Variants in RPS6KA4 observed in about 807,000 individuals in gnomAD.
RPS6KA4 encodes the protein ribosomal protein S6 kinase alpha-4.
RPS6KA4 carries 38 observed loss-of-function variants against 89.6 expected under a neutral mutation model. The observed-to-expected ratio is 0.42, with a 90% CI of 0.33 to 0.56. The LOEUF (loss-of-function observed/expected upper bound fraction) is 0.56. Ranked by LOEUF, RPS6KA4 falls within the 20% of genes least tolerant of loss-of-function variation. The pLI, the probability that RPS6KA4 is intolerant of heterozygous loss-of-function variation, is 0.07. For synonymous variants in RPS6KA4, 495 were observed against 492.8 expected, an observed-to-expected ratio of 1.00 and a Z score of -0.06; for missense variants, 873 against 1,098.8, an observed-to-expected ratio of 0.79 and a Z score of 2.90.
chr11:64,369,349 T>C (rs1300647130), intron 12 of RPS6KA4, 97 bp from the exon 13 acceptor site: 10 of 1,313,518 alleles, frequency 7.6e-6, no homozygotes, highest in South Asian at 1.5e-5. Context: ...TTCTCGAACA[T>C]TGGCAGGGCC....
rs769380916 is a variant in RPS6KA4, at chr11:64,361,194, A to G, written c.523A>G (p.Ile175Val). The G allele has an allele frequency of 6.2e-7, 1 of 1,613,430 alleles. No homozygotes were observed. The highest frequency in any genetic ancestry group is 8.5e-7 in the Non-Finnish European group (1 of 1,179,982). The change falls in exon 5 of 17, where the codon ATT becomes GTT. Residue 175 changes from isoleucine to valine, a missense_variant. Transcript: ENST00000334205. This position sits in a 1 kb window ranked among gnomAD's most constrained non-coding sequence, Gnocchi z 4.7. The stretch of plus-strand genomic sequence containing the variant: ...TGTGCTGCTGGACTCCGAGGGCCAC[A>G]TTGTCCTCACGGACTTCGGGCTGAG... ...ENVLLDSEGHIVLTDFGLSKE... is the reference protein window; with the variant it reads ...ENVLLDSEGHVVLTDFGLSKE...
chr11:64,368,447 C>T (rs1032284147), intron 10 of RPS6KA4, 21 bp from the exon 11 acceptor site: 3 of 1,546,032 alleles, frequency 1.9e-6, no homozygotes, highest in African/African-American at 1.4e-5. Context: ...CCTTCGCCTT[C>T]GCCTTCGCCT....
At chr11:64,363,319 G>A (rs1184551594) in intron 8 of RPS6KA4, among the ~76,000 whole-genome samples, 1 of 152,118 alleles carries the variant, frequency 6.6e-6, no homozygotes, top group Non-Finnish European at 1.5e-5. Flanking sequence ...TTTGCACGGG[G>A]TGGGGAAAGC....
At chr11:64,369,199 G>A (rs1423810591) in intron 12 of RPS6KA4, among the ~76,000 whole-genome samples, 1 of 152,226 alleles carries the variant, frequency 6.6e-6, no homozygotes, top group African/African-American at 2.4e-5. Context: ...GCTGAGGCAC[G>A]AGAATCGCTT....
intron 2 of RPS6KA4, 164 bp downstream of exon 2, chr11:64,359,613 A>G: frequency 1.5e-6 from 1 of 666,406 alleles, no homozygotes; most frequent in Admixed American, 2.6e-5. Flanking sequence ...TTGCATGCCC[A>G]CTTCCAGGGC....
Position 64,371,298 on chromosome 11 carries a change from A to AAGCGGGAGGGCTTCTTCCTGAAG in RPS6KA4, c.2142_2164dup (p.Val722GlyfsTer6). 1 of 1,612,804 alleles carries AAGCGGGAGGGCTTCTTCCTGAAG rather than the reference A, an allele frequency of 6.2e-7. No homozygotes were observed. Among genetic ancestry groups the AAGCGGGAGGGCTTCTTCCTGAAG allele is most frequent in the Non-Finnish European group, 8.5e-7 (1 of 1,179,914 alleles). On this transcript the variant is annotated frameshift_variant, in exon 17 of 17. Transcript: ENST00000334205. LOFTEE classifies it high-confidence loss of function. The stretch of plus-strand genomic sequence containing the variant: ...TTTCTGCCAGGCATTCAACCGGGGC[A>AAGCGGGAGGGCTTCTTCCTGAAG]AGCGGGAGGGCTTCTTCCTGAAGAG...
At chr11:64,363,943 G>C (rs1430364771) in intron 8 of RPS6KA4, among the ~76,000 whole-genome samples, 1 of 152,088 alleles carries the variant, frequency 6.6e-6, no homozygotes, top group Non-Finnish European at 1.5e-5. Context: ...AATCAAGTTT[G>C]GTGCTAGCCA....
rs2036679126 is a variant in RPS6KA4 at position 64,359,399 on chromosome 11, A to G, written c.77A>G (p.Glu26Gly). 18 of 1,613,486 alleles carry G rather than the reference A, an allele frequency of 1.1e-5. No individual in the cohort carries two copies. Among genetic ancestry groups the G allele is most frequent in the Non-Finnish European group, 1.4e-5 (17 of 1,179,806 alleles). Residue 26 changes from glutamate to glycine, a missense_variant, in exon 2 of 17, where the codon GAG (glutamate) becomes GGG (glycine). By Grantham distance (98) the Glu-to-Gly change is moderately conservative. Around this residue, in one of 4 missense-constraint regions of RPS6KA4, gnomAD observed 49 missense variants for 51.9 expected, o/e 0.94. Transcript: ENST00000334205. ...ITEANLTGHE[E>G]KVSVENFELL... ...ACAGCCAACCTGACCGGGCACGAGG[A>G]GAAGGTGAGCGTGGAGAACTTCGAG...
intron 9 of RPS6KA4, among the ~76,000 whole-genome samples, chr11:64,367,699 T>C (rs534795349): frequency 6.6e-6 from 1 of 152,242 alleles, no homozygotes; most frequent in Non-Finnish European, 1.5e-5. Context: ...CTCTGCCTTC[T>C]TTTTGCATTT....
At chr11:64,363,986 G>A (rs1055805384) in intron 8 of RPS6KA4, among the ~76,000 whole-genome samples, 2 of 152,064 alleles carry the variant, frequency 1.3e-5, no homozygotes, top group African/African-American at 4.8e-5. Context: ...GACCTAAGAG[G>A]TTTACTTATA....
chr11:64,368,433 GCCGC>G (rs2036946964), intron 10 of RPS6KA4, 31 bp from the exon 11 acceptor site: 2 of 1,541,334 alleles, frequency 1.3e-6, no homozygotes, highest in Non-Finnish European at 1.7e-6. Flanking sequence ...CCTCTGACGC[GCCGC>G]CTTCGCCTTC....
chr11:64,363,112 T>C (rs2036797376), intron 8 of RPS6KA4, among the ~76,000 whole-genome samples: 1 of 152,226 alleles, frequency 6.6e-6, no homozygotes, highest in East Asian at 1.9e-4. Context: ...AATGGTCTTC[T>C]GCTTAAGTGT....
At chr11:64,363,257 C>T (rs2036800865) in intron 8 of RPS6KA4, among the ~76,000 whole-genome samples, 1 of 152,186 alleles carries the variant, frequency 6.6e-6, no homozygotes, top group Non-Finnish European at 1.5e-5. Flanking sequence ...GGAGGGCCTG[C>T]CTGAGATGAT....
chr11:64,370,656 C>CG lies in RPS6KA4; in HGVS notation c.2052dup (p.Leu685AlafsTer119). On this transcript the variant is annotated frameshift_variant, in exon 16 of 17. Transcript: ENST00000334205. LOFTEE classifies it high-confidence loss of function. This position sits in a 1 kb window ranked among gnomAD's most constrained non-coding sequence, Gnocchi z 4.1. ...GACGGCAGCGCGCGCTCCTCGCCCC[C>CG]GCTCCGGACGCCCGACGTGCTCGAG... is the stretch of plus-strand genomic sequence containing the variant. The CG allele has an allele frequency of 6.4e-7, 1 of 1,570,960 alleles. No individual in the cohort carries two copies. The highest frequency in any genetic ancestry group is 1.1e-5 in the South Asian group (1 of 87,616).
chr11:64,365,524 A>T, intron 9 of RPS6KA4, 59 bp downstream of exon 9: 2 of 1,594,038 alleles, frequency 1.3e-6, no homozygotes, highest in East Asian at 2.2e-5. Flanking sequence ...TGTCTGCCTC[A>T]GCCCTGGCTG....
chr11:64,361,811 TG>T lies in RPS6KA4; in HGVS notation c.756-35del. The T allele has an allele frequency of 3.8e-6, 6 of 1,585,614 alleles. No homozygotes were observed. In the South Asian group the frequency reaches 6.8e-5, roughly 18 times the overall value. ...GGGCCTGCCTGGGCAGGGCTGTGGG[TG>T]GGGGGCTTGCTGCCCCTGACACCCC... On this transcript the variant is annotated intron_variant, in intron 7 of 16. Coordinates refer to ENST00000334205, the MANE Select transcript of RPS6KA4 (RefSeq NM_003942.3). The surrounding 1 kb of genome is among the most constrained non-coding windows in gnomAD (Gnocchi z 4.7).
At chr11:64,366,038 CAAA>C (rs1226198869) in intron 9 of RPS6KA4, among the ~76,000 whole-genome samples, 2 of 110,530 alleles carry the variant, frequency 1.8e-5, no homozygotes, top group African/African-American at 4.0e-5. Flanking sequence ...AACTCCGTCT[CAAA>C]AAAAAAAAAA....
intron 14 of RPS6KA4, 101 bp downstream of exon 14, chr11:64,369,994 G>A: frequency 1.5e-6 from 2 of 1,294,392 alleles, no homozygotes; most frequent in Non-Finnish European, 2.1e-6. Flanking sequence ...ATCTTGGTGG[G>A]GGCGGCTGGG....
At position 64,360,184 on chromosome 11, in the gene RPS6KA4, T is replaced by C. The variant is rs935368943; in HGVS notation, c.149T>C (p.Val50Ala). Residue 50 changes from valine (V) to alanine (A), a missense_variant, in exon 3 of 17, where the codon GTG (valine) becomes GCG (alanine). Coordinates refer to ENST00000334205, the MANE Select transcript of RPS6KA4 (RefSeq NM_003942.3). ...GTGAYGKVFL[V>A]RKAGGHDAGK... ...ACAGCCTACGGCAAGGTGTTCCTGG[T>C]GCGGAAGGCGGGCGGGCACGACGCG... is the stretch of plus-strand genomic sequence containing the variant. 1 of 1,547,520 alleles carries C rather than the reference T, an allele frequency of 6.5e-7. No homozygotes were observed. The highest frequency in any genetic ancestry group is 1.4e-5 in the African/African-American group (1 of 72,986).
Sources: gnomAD v4.1 joint callset for allele counts (sites outside exome capture counted in the v4.1 genomes callset) on GRCh38, gnomAD v4.1.1 for gene constraint, gnomAD v4.1.1 regional missense constraint, Gnocchi (gnomAD v3.1) non-coding constraint, MANE v1.5 for transcripts, NCBI Gene and HGNC (gene_info 2026-07-23, HGNC 2026-07-21) for gene names.